FBXO42: variants seen among roughly 807,000 people sequenced by gnomAD.
The protein encoded by FBXO42 is F-box protein 42, also known as F-box only protein 42.
FBXO42 carries 12 observed loss-of-function variants against 71.7 expected under a neutral mutation model. The observed-to-expected ratio is 0.17, with a 90% CI of 0.11 to 0.27. The LOEUF is 0.27. Among genes scored for constraint, FBXO42 ranks in the 10% least tolerant of loss-of-function variants. FBXO42 has a pLI of 1.00. For synonymous variants in FBXO42, 325 were observed against 327.5 expected (o/e 0.99, Z 0.08); for missense variants, 707 against 911.9 (o/e 0.78, Z 2.89).
At chr1:16,333,446 C>CCT (rs571937358) in intron 1 of FBXO42, among the ~76,000 whole-genome samples, 2 of 140,748 alleles carry the variant, frequency 1.4e-5, no homozygotes, top group Non-Finnish European at 3.1e-5. Context: ...ACCCCCCCCC[C>CCT]CCATTTCCAA....
intron 4 of FBXO42, among the ~76,000 whole-genome samples, chr1:16,288,449 TAAA>T (rs60893410): frequency 0.029 from 4,306 of 148,800 alleles, 177 homozygotes; most frequent in African/African-American, 0.09. Context: ...AAAATAAAAA[TAAA>T]AATAATAATA....
intron 6 of FBXO42, 37 bp downstream of exon 6, chr1:16,255,674 C>T (rs1418188788): frequency 6.5e-7 from 1 of 1,549,742 alleles, no homozygotes; most frequent in Non-Finnish European, 8.9e-7. Context: ...GGAGTATTTA[C>T]CTTCAGGCTC....
intron 1 of FBXO42, among the ~76,000 whole-genome samples, chr1:16,317,341 C>A (rs1407807067): frequency 6.6e-6 from 1 of 152,096 alleles, no homozygotes; most frequent in Non-Finnish European, 1.5e-5. Context: ...TCACTTGAAC[C>A]CAGGAGGTGG....
intron 1 of FBXO42, among the ~76,000 whole-genome samples, chr1:16,340,719 C>T (rs1415739210): frequency 6.6e-5 from 10 of 152,160 alleles, no homozygotes; most frequent in Admixed American, 6.6e-4. Context: ...ATGCTTTATA[C>T]ACTTTACTGA....
At chr1:16,315,684 G>A (rs2082356565) in intron 1 of FBXO42, among the ~76,000 whole-genome samples, 1 of 151,988 alleles carries the variant, frequency 6.6e-6, no homozygotes, top group African/African-American at 2.4e-5. Context: ...GCCAAGTTCT[G>A]GTATAATCGT....
chr1:16,275,810 ACCAG>A (rs1431265835), intron 4 of FBXO42, among the ~76,000 whole-genome samples: 2 of 151,630 alleles, frequency 1.3e-5, no homozygotes, highest in African/African-American at 4.9e-5. Flanking sequence ...GGAGTTGGAG[ACCAG>A]CCTGGCCAAC....
intron 4 of FBXO42, among the ~76,000 whole-genome samples, chr1:16,282,193 T>C (rs1221158225): frequency 6.6e-6 from 1 of 151,864 alleles, no homozygotes; most frequent in Non-Finnish European, 1.5e-5. Context: ...AAAATTTAGC[T>C]ATGTTTAGAA....
intron 1 of FBXO42, among the ~76,000 whole-genome samples, chr1:16,329,819 C>T (rs749145312): frequency 4.7e-5 from 7 of 149,778 alleles, no homozygotes; most frequent in Non-Finnish European, 1.0e-4. Context: ...CATGGTGGTG[C>T]GCACCTGTAA....
intron 6 of FBXO42, among the ~76,000 whole-genome samples, chr1:16,254,833 C>G (rs893267576): frequency 3.3e-5 from 5 of 152,212 alleles, no homozygotes; most frequent in African/African-American, 4.8e-5. Context: ...CAGAAGTGGA[C>G]AGGACAGGAG....
intron 1 of FBXO42, among the ~76,000 whole-genome samples, chr1:16,350,837 GAA>G (rs2082697406): frequency 6.6e-6 from 1 of 150,394 alleles, no homozygotes. Context: ...TTTTAACAAT[GAA>G]AAGCTTTTTA....
intron 1 of FBXO42, among the ~76,000 whole-genome samples, chr1:16,350,571 TACAA>T (rs2082689383): frequency 3.1e-5 from 1 of 32,056 alleles, no homozygotes; most frequent in Non-Finnish European, 6.6e-5. Flanking sequence ...CTACTAAAAT[TACAA>T]AAAAAAAAAA....
chr1:16,329,841 CG>C (rs1557604167), intron 1 of FBXO42, among the ~76,000 whole-genome samples: 1 of 148,650 alleles, frequency 6.7e-6, no homozygotes, highest in Admixed American at 6.7e-5. Context: ...CCCAGCTACT[CG>C]GGAGGCTGAG....
intron 1 of FBXO42, among the ~76,000 whole-genome samples, chr1:16,325,867 C>T (rs1180486289): frequency 6.6e-6 from 1 of 152,156 alleles, no homozygotes; most frequent in Admixed American, 6.6e-5. Context: ...CTCAGGTGAT[C>T]TGCCCACCTC....
At chr1:16,253,423 C>A (rs2081610832) in intron 7 of FBXO42, 2 of 593,142 alleles carry the variant, frequency 3.4e-6, no homozygotes, top group Non-Finnish European at 5.9e-6. Context: ...AATGACACAG[C>A]AAAGTAAATG....
At chr1:16,335,781 C>T (rs185146388) in intron 1 of FBXO42, among the ~76,000 whole-genome samples, 27 of 149,790 alleles carry the variant, frequency 1.8e-4, no homozygotes, top group East Asian at 1.0e-3. Flanking sequence ...GCAGGAGAAT[C>T]GCTTGAACCT....
intron 3 of FBXO42, among the ~76,000 whole-genome samples, chr1:16,304,324 G>T (rs2082227865): frequency 6.6e-6 from 1 of 150,968 alleles, no homozygotes; most frequent in Non-Finnish European, 1.5e-5. Context: ...TCACCATGTT[G>T]GCCAGGCTGG....
At position 16,250,546 on chromosome 1, in the gene FBXO42, G is replaced by A; in HGVS notation, c.*124C>T. 9.5e-7 allele frequency: 1 copy of A among 1,055,032 alleles called. No homozygotes were observed. Among genetic ancestry groups the A allele is most frequent in the Non-Finnish European group, 1.3e-6 (1 of 745,988 alleles). 65.4% of individuals were successfully genotyped at this position (1,055,032 alleles called of 1,614,324 possible). On this transcript the variant is annotated 3_prime_UTR_variant, in exon 10 of 10. Coordinates refer to ENST00000375592, the MANE Select transcript of FBXO42 (RefSeq NM_018994.3). The surrounding 1 kb of genome is among the most constrained non-coding windows in gnomAD (Gnocchi z 4.7). ...TTGATCCCAGCCTGGAGTGACTTCG[G>A]TTGGGAATTAAAGAGTTTTGGCTTC...
At chr1:16,270,508 C>T (rs2081827638) in intron 4 of FBXO42, among the ~76,000 whole-genome samples, 1 of 151,732 alleles carries the variant, frequency 6.6e-6, no homozygotes, top group Non-Finnish European at 1.5e-5. Context: ...ATGTCCCTTT[C>T]TTTTCATCAT....
At chr1:16,274,588 G>GT (rs533547281) in intron 4 of FBXO42, among the ~76,000 whole-genome samples, 19,109 of 53,470 alleles carry the variant, frequency 0.36, 3,763 homozygotes, top group East Asian at 0.69. Flanking sequence ...TTATGCCCCC[G>GT]TTTTTTTTTT....
Sources: allele counts gnomAD v4.1 joint callset (sites outside exome capture counted in the v4.1 genomes callset), GRCh38; gene constraint gnomAD v4.1.1; non-coding constraint Gnocchi (gnomAD v3.1); transcripts MANE v1.5; gene names NCBI Gene and HGNC (gene_info 2026-07-23, HGNC 2026-07-21).